Variants in EFNA5 observed in about 807,000 individuals in gnomAD.
EFNA5 encodes ephrin-A5.
In EFNA5, 5 loss-of-function variants were observed where a neutral mutation model predicts 22.9. The ratio of observed to expected loss-of-function variants is 0.22; its 90% CI spans 0.11 to 0.46. The LOEUF (loss-of-function observed/expected upper bound fraction) is 0.46, where lower values mean the gene tolerates loss of function less well. EFNA5 is among the 20% of genes least tolerant of loss of function. EFNA5 has a pLI of 0.99. For missense variants in EFNA5, 237 were observed against 293.3 expected (o/e 0.81, Z 1.40); for synonymous variants, 113 against 112.2 (o/e 1.01, Z -0.04).
At chr5:107,649,896 T>A (rs1254275878) in intron 1 of EFNA5, among the ~76,000 whole-genome samples, 1 of 152,126 alleles carries the variant, frequency 6.6e-6, no homozygotes, top group Admixed American at 6.6e-5. Context: ...AAACAGGGAA[T>A]GATTAAGTAA....
intron 1 of EFNA5, among the ~76,000 whole-genome samples, chr5:107,494,099 C>T (rs1210426801): frequency 6.6e-6 from 1 of 152,240 alleles, no homozygotes; most frequent in African/African-American, 2.4e-5. Context: ...GTCCTCACAG[C>T]CTTCGCTCGC....
chr5:107,433,962 T>C (rs909107566), intron 1 of EFNA5, among the ~76,000 whole-genome samples: 1 of 151,894 alleles, frequency 6.6e-6, no homozygotes, highest in Admixed American at 6.6e-5. Flanking sequence ...AGTCATGACT[T>C]GAGTCTCAGA....
chr5:107,580,758 A>G (rs1037337682), intron 1 of EFNA5, among the ~76,000 whole-genome samples: 1 of 151,558 alleles, frequency 6.6e-6, no homozygotes, highest in Non-Finnish European at 1.5e-5. Flanking sequence ...AAAGAAAAGA[A>G]AAAAGAAAAA....
chr5:107,667,823 A>C (rs1340762267), intron 1 of EFNA5, among the ~76,000 whole-genome samples: 3 of 152,216 alleles, frequency 2.0e-5, no homozygotes, highest in African/African-American at 7.2e-5. Context: ...ATGAAATAAC[A>C]TACAGGAAAA....
chr5:107,524,342 G>C (rs1747653885), intron 1 of EFNA5, among the ~76,000 whole-genome samples: 1 of 152,180 alleles, frequency 6.6e-6, no homozygotes, highest in African/African-American at 2.4e-5. Flanking sequence ...GCAAAACATA[G>C]TTGTTTGCCT....
chr5:107,586,963 C>T (rs1305573140), intron 1 of EFNA5, among the ~76,000 whole-genome samples: 1 of 152,132 alleles, frequency 6.6e-6, no homozygotes, highest in African/African-American at 2.4e-5. Context: ...CTTACATGGA[C>T]ACAGAAGGAT....
chr5:107,607,122 T>C (rs1413582438), intron 1 of EFNA5, among the ~76,000 whole-genome samples: 1 of 152,192 alleles, frequency 6.6e-6, no homozygotes, highest in African/African-American at 2.4e-5. Context: ...TTTAAAATGC[T>C]AAAAATCTGC....
intron 2 of EFNA5, among the ~76,000 whole-genome samples, chr5:107,407,994 G>A (rs1249489808): frequency 6.6e-6 from 1 of 152,134 alleles, no homozygotes; most frequent in East Asian, 1.9e-4. Flanking sequence ...AGAAAGCACA[G>A]GGGTGAAAAG....
chr5:107,577,827 C>T (rs1036879119), intron 1 of EFNA5, among the ~76,000 whole-genome samples: 7 of 152,126 alleles, frequency 4.6e-5, no homozygotes, highest in African/African-American at 1.7e-4. Context: ...AATTATATCA[C>T]CGGCTGCATC....
chr5:107,459,639 A>C (rs1180600795), intron 1 of EFNA5, among the ~76,000 whole-genome samples: 1 of 152,168 alleles, frequency 6.6e-6, no homozygotes, highest in Non-Finnish European at 1.5e-5. Context: ...AATGTAAAAA[A>C]AATTGAAGAC....
chr5:107,437,605 C>A (rs1213650592), intron 1 of EFNA5, among the ~76,000 whole-genome samples: 1 of 152,120 alleles, frequency 6.6e-6, no homozygotes, highest in African/African-American at 2.4e-5. Flanking sequence ...TATAGATCTC[C>A]TTGAAAATAG....
intron 1 of EFNA5, among the ~76,000 whole-genome samples, chr5:107,607,875 T>C (rs1749755431): frequency 6.6e-6 from 1 of 152,132 alleles, no homozygotes. Context: ...TCCTTCAGCA[T>C]TTCCTCCTCC....
intron 1 of EFNA5, among the ~76,000 whole-genome samples, chr5:107,467,405 T>C (rs1306520288): frequency 1.3e-5 from 2 of 152,116 alleles, no homozygotes; most frequent in Admixed American, 6.5e-5. Context: ...CTCCTTTCAA[T>C]AGAGAGAAAG....
intron 1 of EFNA5, among the ~76,000 whole-genome samples, chr5:107,453,220 C>A (rs1168570149): frequency 6.6e-6 from 1 of 151,984 alleles, no homozygotes; most frequent in African/African-American, 2.4e-5. Context: ...GATGTGAAGG[C>A]TATTTAGACA....
At chr5:107,654,929 C>G (rs1750792969) in intron 1 of EFNA5, among the ~76,000 whole-genome samples, 1 of 151,904 alleles carries the variant, frequency 6.6e-6, no homozygotes, top group Non-Finnish European at 1.5e-5. Context: ...AATTAAGCTG[C>G]AACTCAATCC....
chr5:107,480,776 C>A (rs1750437195), intron 1 of EFNA5, among the ~76,000 whole-genome samples: 1 of 152,188 alleles, frequency 6.6e-6, no homozygotes, highest in South Asian at 2.1e-4. Context: ...AAAATGAGGG[C>A]TTGTCCAAAG....
At chr5:107,477,549 C>T (rs1304347731) in intron 1 of EFNA5, among the ~76,000 whole-genome samples, 1 of 152,134 alleles carries the variant, frequency 6.6e-6, no homozygotes, top group Non-Finnish European at 1.5e-5. Flanking sequence ...ATCCTATTCT[C>T]TTATTTTTCA....
At chr5:107,390,237 G>A (rs546144287) in intron 2 of EFNA5, among the ~76,000 whole-genome samples, 31 of 152,288 alleles carry the variant, frequency 2.0e-4, no homozygotes, top group African/African-American at 5.5e-4. Context: ...TAAATGTAAC[G>A]TTTAATAAAG....
At position 107,646,242 on chromosome 5, in the gene EFNA5, G is replaced by T. The variant is rs544283982; in HGVS notation, c.125+24247C>A. Among the ~76,000 whole-genome samples, 27 of 152,126 alleles carry T rather than the reference G, an allele frequency of 1.8e-4. No individual in the cohort carries two copies. The South Asian group carries it at 5.6e-3, about 32-fold the overall frequency. ...TTGTATACTGAAAGTATGCTAAAAG[G>T]GATAGATTGGATAAACTGACTTCCT... On this transcript the variant is annotated intron_variant, in intron 1 of 4. Transcript: ENST00000333274.
Sources: allele counts gnomAD v4.1 joint callset (sites outside exome capture counted in the v4.1 genomes callset), GRCh38; gene constraint gnomAD v4.1.1; transcripts MANE v1.5; gene names NCBI Gene and HGNC (gene_info 2026-07-23, HGNC 2026-07-21).